VCAN: variants seen among roughly 807,000 people sequenced by gnomAD.
VCAN encodes versican core protein.
In VCAN, 44 loss-of-function variants were observed where a neutral mutation model predicts 245.5. The ratio of observed to expected loss-of-function variants is 0.18; its 90% CI spans 0.14 to 0.23. VCAN has a LOEUF of 0.23. VCAN is among the 10% of genes least tolerant of loss of function. The pLI, the probability that VCAN is intolerant of heterozygous loss-of-function variation, is 1.00. For synonymous variants in VCAN, 1,413 were observed against 1,437.0 expected, an observed-to-expected ratio of 0.98 and a Z score of 0.38; for missense variants, 3,793 against 4,057.9, an observed-to-expected ratio of 0.93 and a Z score of 1.77.
chr5:83,501,929 G>C (rs749607242), intron 5 of VCAN, among the ~76,000 whole-genome samples: 5 of 152,038 alleles, frequency 3.3e-5, no homozygotes, highest in African/African-American at 1.2e-4. Context: ...AACCTGAGAT[G>C]TCTTTCTGCT....
chr5:83,500,750 C>T (rs1338503973), intron 5 of VCAN, among the ~76,000 whole-genome samples: 1 of 152,182 alleles, frequency 6.6e-6, no homozygotes, highest in Non-Finnish European at 1.5e-5. Context: ...ACCCTCAAAG[C>T]TCCCTCAAAT....
rs181844107 is a variant in VCAN at position 83,538,136 on chromosome 5, T to G, written c.5133T>G (p.Thr1711=). The change falls in exon 8 of 15, where the codon ACT becomes ACG. Residue 1711 remains threonine (T), a synonymous_variant. Coordinates refer to ENST00000265077, the MANE Select transcript of VCAN (RefSeq NM_004385.5). ...VPTKFVSETD[T]SEWISSTTVE... is the part of the protein sequence containing the mutation. ...CCAAGTTTGTAAGTGAAACAGACAC[T>G]TCTGAGTGGATTTCCAGTACCACTG... is the stretch of plus-strand genomic sequence containing the variant. The G allele has an allele frequency of 6.2e-7, 1 of 1,613,840 alleles. No homozygotes were observed. Among genetic ancestry groups the G allele is most frequent in the South Asian group, 1.1e-5 (1 of 91,088 alleles).
intron 1 of VCAN, among the ~76,000 whole-genome samples, chr5:83,478,784 C>T (rs1395592400): frequency 6.6e-6 from 1 of 152,074 alleles, no homozygotes; most frequent in East Asian, 1.9e-4. Flanking sequence ...GTGTTCTAGG[C>T]ATTGTGGATA....
intron 1 of VCAN, among the ~76,000 whole-genome samples, chr5:83,477,679 T>C (rs1290960735): frequency 6.6e-6 from 1 of 152,140 alleles, no homozygotes; most frequent in African/African-American, 2.4e-5. Flanking sequence ...AAATAATATA[T>C]TTGGAAAACA....
chr5:83,551,127 G>C (rs1747449515), intron 10 of VCAN, among the ~76,000 whole-genome samples: 1 of 151,956 alleles, frequency 6.6e-6, no homozygotes, highest in Non-Finnish European at 1.5e-5. Flanking sequence ...GACAGGCACT[G>C]TTAGTAGTGA....
Position 83,471,800 on chromosome 5 carries a change from T to C in VCAN, c.-230T>C. The C allele has an allele frequency of 2.5e-6, 1 of 398,690 alleles. No homozygotes were observed. Among genetic ancestry groups the C allele is most frequent in the Non-Finnish European group, 4.4e-6 (1 of 226,194 alleles). The allele number at this position is 398,690 out of a possible 1,614,324, so 24.7% of individuals were successfully genotyped here. On this transcript the variant is annotated 5_prime_UTR_variant, in exon 1 of 15. Coordinates refer to ENST00000265077, the MANE Select transcript of VCAN (RefSeq NM_004385.5). ...CCTTTCTGGGGAAGAACTCCAGGCG[T>C]GCGGACGCAACAGCCGAGAACATTA... is the stretch of plus-strand genomic sequence containing the variant.
Position 83,537,036 on chromosome 5 carries a change from C to T in VCAN, c.4033C>T (p.His1345Tyr). The T allele has an allele frequency of 6.2e-7, 1 of 1,604,994 alleles. No homozygotes were observed. Among genetic ancestry groups the T allele is most frequent in the Non-Finnish European group, 8.5e-7 (1 of 1,176,280 alleles). Residue 1345 changes from histidine to tyrosine, a missense_variant, in exon 8 of 15, where the codon CAT becomes TAT. Coordinates refer to ENST00000265077, the MANE Select transcript of VCAN (RefSeq NM_004385.5). ...GRMSDLSVIG[H>Y]PIDSESKEDE... ...AATGAGTGATTTGAGTGTAATTGGT[C>T]ATCCAATAGATTCAGAATCTAAAGA...
chr5:83,575,719 C>T lies in VCAN; in HGVS notation c.9880+3159C>T, dbSNP rs190608600. 3.5e-4 allele frequency among the ~76,000 whole-genome samples: 54 copies of T among 152,256 alleles called. 1 individual carries two copies. Among genetic ancestry groups the T allele is most frequent in the Non-Finnish European group, 6.3e-4 (43 of 68,000 alleles). On this transcript the variant is annotated intron_variant, in intron 13 of 14. Coordinates refer to ENST00000265077, the MANE Select transcript of VCAN (RefSeq NM_004385.5). ...TGTAAAAAGCAAACATGTCTCTAGA[C>T]ATTGCCATATGTCTCCAGAAGAGGC... is the stretch of plus-strand genomic sequence containing the variant.
At chr5:83,478,440 C>T (rs1018857545) in intron 1 of VCAN, among the ~76,000 whole-genome samples, 6 of 152,000 alleles carry the variant, frequency 3.9e-5, no homozygotes, top group African/African-American at 9.7e-5. Context: ...TTCCACTTCT[C>T]GACATTATTA....
In VCAN at chr5:83,547,967, T is replaced by C. The variant is rs139854446; in HGVS notation, c.9380-4T>C. ...TTTTGTGAGCTTTTACTATTTTGTT[T>C]CAGATTTTGATGAATGTCACTCTAA... is the stretch of plus-strand genomic sequence containing the variant. On this transcript the variant is annotated splice_region_variant and splice_polypyrimidine_tract_variant and intron_variant, in intron 9 of 14. Transcript: ENST00000265077. The C allele has an allele frequency of 6.2e-7, 1 of 1,605,532 alleles. No homozygotes were observed. The highest frequency in any genetic ancestry group is 8.5e-7 in the Non-Finnish European group (1 of 1,172,144).
At chr5:83,511,137 A>G (rs1745640263) in intron 5 of VCAN, among the ~76,000 whole-genome samples, 1 of 146,068 alleles carries the variant, frequency 6.8e-6, no homozygotes, top group African/African-American at 2.5e-5. Flanking sequence ...GTGTTGGGGG[A>G]GTCTTTCTCT....
rs553655082 is a variant in VCAN, at chr5:83,566,319, A to G, written c.9736-6097A>G. On this transcript the variant is annotated intron_variant, in intron 12 of 14. Coordinates refer to ENST00000265077, the MANE Select transcript of VCAN (RefSeq NM_004385.5). ...GCAGTTATCCATCACTGCATAAGGA[A>G]AAGGGCTATTAGTGTACATTACATT... Among the ~76,000 whole-genome samples, 15 of 152,294 alleles carry G rather than the reference A, an allele frequency of 9.8e-5. No homozygotes were observed. In the South Asian group the frequency reaches 2.7e-3, roughly 27 times the overall value.
intron 5 of VCAN, among the ~76,000 whole-genome samples, chr5:83,509,721 GC>G (rs1745595397): frequency 6.6e-6 from 1 of 152,196 alleles, no homozygotes; most frequent in African/African-American, 2.4e-5. Context: ...TTGGCACGCT[GC>G]CTTCTTTACA....
At chr5:83,472,360 G>A (rs1440995627) in intron 1 of VCAN, among the ~76,000 whole-genome samples, 1 of 152,198 alleles carries the variant, frequency 6.6e-6, no homozygotes, top group African/African-American at 2.4e-5. Flanking sequence ...TTGAGCTGGA[G>A]AGAAGAGAGG....
intron 7 of VCAN, among the ~76,000 whole-genome samples, chr5:83,524,219 T>A (rs1163371162): frequency 6.6e-6 from 1 of 152,102 alleles, no homozygotes; most frequent in Non-Finnish European, 1.5e-5. Context: ...GTGGAGGGTC[T>A]GAGTAAGCTA....
At chr5:83,560,212 G>C (rs1747815383) in intron 12 of VCAN, among the ~76,000 whole-genome samples, 1 of 152,050 alleles carries the variant, frequency 6.6e-6, no homozygotes. Flanking sequence ...CTGCAGGTTT[G>C]AGTTATATCA....
At chr5:83,485,444 A>G (rs1744761334) in intron 2 of VCAN, among the ~76,000 whole-genome samples, 1 of 151,768 alleles carries the variant, frequency 6.6e-6, no homozygotes, top group African/African-American at 2.4e-5. Context: ...TTCCAAGTGC[A>G]GTAGGAAGTA....
At chr5:83,563,890 T>C (rs1189051741) in intron 12 of VCAN, among the ~76,000 whole-genome samples, 1 of 152,206 alleles carries the variant, frequency 6.6e-6, no homozygotes, top group Non-Finnish European at 1.5e-5. Context: ...TGATCTGACC[T>C]CTCCTAAGGA....
intron 1 of VCAN, 98 bp from the exon 2 acceptor site, chr5:83,483,415 C>A: frequency 1.1e-6 from 1 of 934,718 alleles, no homozygotes; most frequent in Non-Finnish European, 1.7e-6. Flanking sequence ...ATGCTTAATA[C>A]TACCCTTATT....
Sources: gnomAD v4.1 joint callset for allele counts (sites outside exome capture counted in the v4.1 genomes callset) on GRCh38, gnomAD v4.1.1 for gene constraint, MANE v1.5 for transcripts, NCBI Gene and HGNC (gene_info 2026-07-23, HGNC 2026-07-21) for gene names.